LAMP3: variants seen among roughly 807,000 people sequenced by gnomAD.
LAMP3 encodes the protein lysosome-associated membrane glycoprotein 3.
In LAMP3, 26 loss-of-function variants were observed where a neutral mutation model predicts 34.8. The ratio of observed to expected loss-of-function variants is 0.75; its 90% CI spans 0.55 to 1.04. The LOEUF (loss-of-function observed/expected upper bound fraction) is 1.04, where lower values mean the gene tolerates loss of function less well. Ranked by LOEUF, LAMP3 falls within the 50% of genes least tolerant of loss-of-function variation. The probability of loss-of-function intolerance (pLI) is 0.00; values close to 1 mark genes in which losing one functional copy is unlikely to be tolerated. For missense variants in LAMP3, 495 were observed against 524.0 expected (o/e 0.94, Z 0.54); for synonymous variants, 180 against 201.9 (o/e 0.89, Z 0.92).
intron 1 of LAMP3, among the ~76,000 whole-genome samples, chr3:183,162,367 A>T (rs2108617654): frequency 6.6e-6 from 1 of 152,226 alleles, no homozygotes; most frequent in African/African-American, 2.4e-5. Context: ...TGACCTCTAC[A>T]AACTCTCCCT....
Position 183,152,361 on chromosome 3 carries a change from A to C in LAMP3, c.888+14T>G. Reference sequence around the variant, plus strand: ...GTACCAGATGCAGTTTGTGCAAAGGAGCTCAGGCCTCACCTTGGTAAATGT... The same window carrying C: ...GTACCAGATGCAGTTTGTGCAAAGGCGCTCAGGCCTCACCTTGGTAAATGT... On this transcript the variant is annotated intron_variant, in intron 3 of 5. Transcript: ENST00000265598. 6.3e-7 allele frequency: 1 copy of C among 1,595,478 alleles called. No individual in the cohort carries two copies. Among genetic ancestry groups the C allele is most frequent in the Non-Finnish European group, 8.5e-7 (1 of 1,172,338 alleles).
At chr3:183,160,241 A>T (rs1412764080) in intron 1 of LAMP3, among the ~76,000 whole-genome samples, 1 of 152,188 alleles carries the variant, frequency 6.6e-6, no homozygotes, top group East Asian at 1.9e-4. Context: ...CTGGGTAAAG[A>T]TTACTCAGAG....
At chr3:183,146,273 C>T (rs1412482910) in intron 3 of LAMP3, among the ~76,000 whole-genome samples, 1 of 152,184 alleles carries the variant, frequency 6.6e-6, no homozygotes, top group Non-Finnish European at 1.5e-5. Flanking sequence ...GTAGTCCCCA[C>T]ACAAAGACTT....
rs978544994 is a variant in LAMP3, at chr3:183,123,892, A to G, written c.*189T>C. 2 of 581,384 alleles carry G rather than the reference A, an allele frequency of 3.4e-6. No homozygotes were observed. The highest frequency in any genetic ancestry group is 3.9e-5 in the African/African-American group (2 of 51,746). The allele number at this position is 581,384 out of a possible 1,614,324, so 36.0% of individuals were successfully genotyped here. A position where few individuals can be genotyped will look rare whatever the true frequency, so the allele number is the denominator to read the frequency against. ...AGCTCACTATATCTTTCATAAAATAAACAAAAAGTATTTAGAAATTGATGT... is the reference window on the plus strand; with the variant it reads ...AGCTCACTATATCTTTCATAAAATAGACAAAAAGTATTTAGAAATTGATGT... On this transcript the variant is annotated 3_prime_UTR_variant, in exon 6 of 6. Transcript: ENST00000265598.
Position 183,162,630 on chromosome 3 carries a change from G to A in LAMP3, c.26C>T (p.Ala9Val). The A allele has an allele frequency of 6.5e-7, 1 of 1,544,328 alleles. No homozygotes were observed. The highest frequency in any genetic ancestry group is 8.7e-7 in the Non-Finnish European group (1 of 1,145,762). MPRQLSAA[A>V]ALFASLAVIL... ...ACCGGCCAGGGACGCGAAGAGCGCG[G>A]CCGCCGCGCTGAGCTGCCGGGGCAT... is the stretch of plus-strand genomic sequence containing the variant. Residue 9 changes from alanine to valine, a missense_variant, in exon 1 of 6, where the codon GCC becomes GTC. Coordinates refer to ENST00000265598, the MANE Select transcript of LAMP3 (RefSeq NM_014398.4).
chr3:183,125,423 G>A (rs75131398), intron 5 of LAMP3, among the ~76,000 whole-genome samples: 176 of 152,296 alleles, frequency 1.2e-3, no homozygotes, highest in African/African-American at 4.1e-3. Context: ...GAAAGAAACT[G>A]TGATTGTAGT....
rs745374705 is a variant in LAMP3, at chr3:183,162,611, C to T, written c.45G>A (p.Leu15=). 7.1e-6 allele frequency: 11 copies of T among 1,546,560 alleles called. No individual in the cohort carries two copies. Among genetic ancestry groups the T allele is most frequent in the Middle Eastern group, 1.7e-4 (1 of 5,992 alleles). ...GAAGCGCTGAGGGCCACTCACCGGC[C>T]AGGGACGCGAAGAGCGCGGCCGCCG... ...LSAAAALFAS[L]AVILHDGSQM... The change falls in exon 1 of 6, where the codon CTG becomes CTA. Residue 15 remains leucine, a synonymous_variant. Transcript: ENST00000265598.
In LAMP3 at chr3:183,152,460, G is replaced by C. The variant is rs151059567; in HGVS notation, c.803C>G (p.Thr268Arg). 2.5e-6 allele frequency: 4 copies of C among 1,612,992 alleles called. No individual in the cohort carries two copies. In the East Asian group the frequency reaches 8.9e-5, roughly 36 times the overall value. ...GGTGCCACAGTTCCCAGAGGCTTGC[G>C]TTGCGTTGGGGTCGATGTTGAAGTA... ...RRYFNIDPNATQASGNCGTRK... is the reference protein window; with the variant it reads ...RRYFNIDPNARQASGNCGTRK... Residue 268 changes from threonine (T) to arginine (R), a missense_variant, in exon 3 of 6, where the codon ACG becomes AGG. Coordinates refer to ENST00000265598, the MANE Select transcript of LAMP3 (RefSeq NM_014398.4).
intron 3 of LAMP3, among the ~76,000 whole-genome samples, chr3:183,144,378 A>G (rs1720377812): frequency 6.6e-6 from 1 of 152,210 alleles, no homozygotes; most frequent in South Asian, 2.1e-4. Context: ...GCATTGATGA[A>G]GTTTGGGGAA....
Position 183,153,707 on chromosome 3 carries a change from T to C in LAMP3, c.734A>G (p.Gln245Arg), listed in dbSNP as rs766274521. Residue 245 changes from glutamine (Q) to arginine (R), a missense_variant, in exon 2 of 6, where the codon CAG becomes CGG. Transcript: ENST00000265598. ...CGACTCCTTGTCTTGAACAATCAGC[T>C]GTATCCCCATCTCTGCTTTTATACA... ...RLCIKAEMGI[Q>R]LIVQDKESVF... 1.3e-6 allele frequency: 2 copies of C among 1,524,646 alleles called. No individual in the cohort carries two copies. The highest frequency in any genetic ancestry group is 1.8e-6 in the Non-Finnish European group (2 of 1,138,102). 94.4% of individuals were successfully genotyped at this position (1,524,646 alleles called of 1,614,324 possible). A position where few individuals can be genotyped will look rare whatever the true frequency, so the allele number is the denominator to read the frequency against.
intron 2 of LAMP3, 73 bp from the exon 3 acceptor site, chr3:183,152,576 C>A: frequency 7.1e-7 from 1 of 1,402,582 alleles, no homozygotes; most frequent in Non-Finnish European, 9.7e-7. Context: ...GATGCACAGG[C>A]TAGTTTGTGA....
In LAMP3 at chr3:183,154,169, G is replaced by C; in HGVS notation, c.272C>G (p.Thr91Arg). Residue 91 changes from threonine to arginine, a missense_variant, in exon 2 of 6, where the codon ACA becomes AGA. Transcript: ENST00000265598. ...VKIPTTTPAT[T>R]KNTATTSPIT... ...TGGGCTGGTGGTTGCAGTGTTTTTTGTAGTCGCTGGGGTAGTTGTTGGAAT... is the reference window on the plus strand; with the variant it reads ...TGGGCTGGTGGTTGCAGTGTTTTTTCTAGTCGCTGGGGTAGTTGTTGGAAT... 3 of 1,613,896 alleles carry C rather than the reference G, an allele frequency of 1.9e-6. No homozygotes were observed. Among genetic ancestry groups the C allele is most frequent in the Non-Finnish European group, 2.5e-6 (3 of 1,179,842 alleles).
At chr3:183,129,772 C>T (rs1719863108) in intron 5 of LAMP3, among the ~76,000 whole-genome samples, 1 of 152,136 alleles carries the variant, frequency 6.6e-6, no homozygotes, top group Non-Finnish European at 1.5e-5. Context: ...CTGTTATGGA[C>T]TAAATTGTAT....
intron 5 of LAMP3, among the ~76,000 whole-genome samples, chr3:183,125,883 C>G (rs931498721): frequency 1.3e-5 from 2 of 152,130 alleles, no homozygotes; most frequent in African/African-American, 4.8e-5. Context: ...CTATGTGGCC[C>G]AGGCTGGTTT....
intron 4 of LAMP3, among the ~76,000 whole-genome samples, chr3:183,140,234 C>T (rs1238135020): frequency 6.6e-6 from 1 of 151,882 alleles, no homozygotes; most frequent in East Asian, 1.9e-4. Context: ...TGGTGAAATC[C>T]CATCTCTACT....
rs145020803 is a variant in LAMP3 at position 183,135,860 on chromosome 3, G to T, written c.974C>A (p.Ala325Glu). 2 of 1,613,756 alleles carry T rather than the reference G, an allele frequency of 1.2e-6. No homozygotes were observed. The highest frequency in any genetic ancestry group is 1.7e-6 in the Non-Finnish European group (2 of 1,179,672). The part of the protein sequence containing the change: ...PETIYQGIKH[A>E]VVMFQTAVGH... The stretch of plus-strand genomic sequence containing the variant: ...GACTGCTGTCTGGAACATCACCACC[G>T]CATGTTTGATTCCTTGGTAAATTGT... The change falls in exon 5 of 6, where the codon GCG (alanine) becomes GAG (glutamate). Residue 325 changes from alanine to glutamate, a missense_variant. By Grantham distance (107) the Ala-to-Glu change is moderately radical. Transcript: ENST00000265598.
At chr3:183,130,737 C>T (rs563561314) in intron 5 of LAMP3, among the ~76,000 whole-genome samples, 1 of 152,298 alleles carries the variant, frequency 6.6e-6, no homozygotes, top group East Asian at 1.9e-4. Flanking sequence ...GGGGTTTCTT[C>T]CCCAGTTCAC....
rs568113455 is a variant in LAMP3 at position 183,140,664 on chromosome 3, CTTTG to C, written c.889-73_889-70del. On this transcript the variant is annotated intron_variant, in intron 3 of 5. Coordinates refer to ENST00000265598, the MANE Select transcript of LAMP3 (RefSeq NM_014398.4). ...TATGTTTACAATCTTGGTTTATAAA[CTTTG>C]TTTAAGATTCCAGCTATTAAATCTG... is the stretch of plus-strand genomic sequence containing the variant. 1.9e-3 allele frequency: 2,073 copies of C among 1,068,676 alleles called. 35 individuals are homozygous for C. The African/African-American group carries it at 0.029, about 15-fold the overall frequency. The allele number at this position is 1,068,676 out of a possible 1,614,324, so 66.2% of individuals were successfully genotyped here.
At position 183,154,430 on chromosome 3, in the gene LAMP3, G is replaced by A. The variant is rs148327568; in HGVS notation, c.50-39C>T. 194 of 1,455,886 alleles carry A rather than the reference G, an allele frequency of 1.3e-4. No homozygotes were observed. In the African/African-American group the frequency reaches 2.0e-3, roughly 15 times the overall value. The allele number at this position is 1,455,886 out of a possible 1,614,324, so 90.2% of individuals were successfully genotyped here. A position where few individuals can be genotyped will look rare whatever the true frequency, so the allele number is the denominator to read the frequency against. On this transcript the variant is annotated intron_variant, in intron 1 of 5. Coordinates refer to ENST00000265598, the MANE Select transcript of LAMP3 (RefSeq NM_014398.4). ...AATAAAAGTGTTAAAAACACTAACC[G>A]ATTGCTTACAAGGTTCCCTCTCCCA...
Sources: allele counts gnomAD v4.1 joint callset (sites outside exome capture counted in the v4.1 genomes callset), GRCh38; gene constraint gnomAD v4.1.1; transcripts MANE v1.5; gene names NCBI Gene and HGNC (gene_info 2026-07-23, HGNC 2026-07-21).